The following SBF2 variants were observed in gnomAD, a reference collection of about 807,000 sequenced individuals.
SBF2 encodes SET binding factor 2.
Under a neutral mutation model 225.2 loss-of-function variants are expected in SBF2, and 112 were observed. The observed-to-expected ratio is 0.50, with a 90% CI of 0.43 to 0.58. SBF2 has a LOEUF of 0.58. Among genes scored for constraint, SBF2 ranks in the 20% least tolerant of loss-of-function variants. The pLI, the probability that SBF2 is intolerant of heterozygous loss-of-function variation, is 0.00. For synonymous variants in SBF2, 763 were observed against 773.3 expected (o/e 0.99, Z 0.22); for missense variants, 1,996 against 2,206.2 (o/e 0.90, Z 1.91).
At chr11:9,905,618 T>C (rs1397112620) in intron 16 of SBF2, among the ~76,000 whole-genome samples, 1 of 152,224 alleles carries the variant, frequency 6.6e-6, no homozygotes, top group Non-Finnish European at 1.5e-5. Flanking sequence ...ATCCTTAAAT[T>C]AGAGGACAAT....
intron 1 of SBF2, among the ~76,000 whole-genome samples, chr11:10,249,561 T>C (rs915126694): frequency 1.3e-5 from 2 of 152,188 alleles, no homozygotes. Context: ...CTCATTATTT[T>C]GGCTAAATGA....
intron 20 of SBF2, among the ~76,000 whole-genome samples, chr11:9,853,265 G>A (rs1782979246): frequency 6.6e-6 from 1 of 152,170 alleles, no homozygotes; most frequent in South Asian, 2.1e-4. Flanking sequence ...ACTGCTTAAT[G>A]GGTAGAGTGT....
At chr11:9,834,131 T>C in intron 26 of SBF2, among the ~76,000 whole-genome samples, 1 of 151,816 alleles carries the variant, frequency 6.6e-6, no homozygotes, top group East Asian at 1.9e-4. Context: ...TCGCTCTTGT[T>C]GCCTAGGCTG....
intron 2 of SBF2, among the ~76,000 whole-genome samples, chr11:10,172,734 T>G (rs1427455116): frequency 6.7e-6 from 1 of 149,916 alleles, no homozygotes; most frequent in African/African-American, 2.4e-5. Flanking sequence ...TGGCGCCATC[T>G]TGGCTCACTG....
intron 28 of SBF2, chr11:9,828,186 G>C: frequency 7.8e-7 from 1 of 1,289,676 alleles, no homozygotes; most frequent in Non-Finnish European, 1.0e-6. Flanking sequence ...ACCTGCTTAA[G>C]CACAGTGGAC....
intron 6 of SBF2, among the ~76,000 whole-genome samples, chr11:10,005,270 G>A (rs759897279): frequency 7.9e-5 from 12 of 152,146 alleles, no homozygotes; most frequent in Admixed American, 1.3e-4. Flanking sequence ...ACTGGTAAAG[G>A]AAGAAAGCCT....
chr11:10,048,998 A>G (rs1265800987), intron 2 of SBF2, among the ~76,000 whole-genome samples: 1 of 152,232 alleles, frequency 6.6e-6, no homozygotes, highest in Admixed American at 6.5e-5. Context: ...AAAGAAAAGT[A>G]TCCGTAATTA....
At position 10,272,350 on chromosome 11, in the gene SBF2, G is replaced by A. The variant is rs1962556067; in HGVS notation, c.55+21665C>T. The A allele has an allele frequency of 6.6e-6, 4 of 608,226 alleles. 1 individual carries two copies. Among genetic ancestry groups the A allele is most frequent in the Non-Finnish European group, 1.1e-5 (4 of 372,948 alleles). The allele number at this position is 608,226 out of a possible 1,614,324, so 37.7% of individuals were successfully genotyped here. On this transcript the variant is annotated intron_variant, in intron 1 of 39. Coordinates refer to ENST00000256190, the MANE Select transcript of SBF2 (RefSeq NM_030962.4). ...CACTGTAACTAAGGCTTACTTACTT[G>A]CTAGTTACCAGTTACTCACACAATT...
At chr11:10,214,422 G>A (rs983904794) in intron 1 of SBF2, among the ~76,000 whole-genome samples, 2 of 152,176 alleles carry the variant, frequency 1.3e-5, no homozygotes, top group African/African-American at 4.8e-5. Flanking sequence ...AGGAGATCCA[G>A]ACCATCCTGG....
chr11:10,127,707 C>A (rs1343677820), intron 2 of SBF2, among the ~76,000 whole-genome samples: 1 of 152,044 alleles, frequency 6.6e-6, no homozygotes. Context: ...GGAATAAGAC[C>A]GAAAGCACCT....
rs1465030162 is a variant in SBF2, at chr11:9,962,076, C to G, written c.1741G>C (p.Gly581Arg). ...TLPAALRALK[G>R]KAARQCLTDE... The stretch of plus-strand genomic sequence containing the variant: ...GTGAGACACTGTCTTGCTGCCTTTC[C>G]TTTAAGGGCTCTGAGTGCAGCAGGA... Residue 581 changes from glycine (G) to arginine (R), a missense_variant, in exon 16 of 40, where the codon GGA becomes CGA. By Grantham distance (125) the Gly-to-Arg change is moderately radical. Transcript: ENST00000256190. The G allele has an allele frequency of 1.9e-6, 3 of 1,614,086 alleles. No individual in the cohort carries two copies. The highest frequency in any genetic ancestry group is 2.5e-6 in the Non-Finnish European group (3 of 1,179,994).
Position 9,780,351 on chromosome 11 carries a change from G to C in SBF2, c.*67C>G. ...TGTTGTCAGCTCCTCAAGGATCCAT[G>C]CTTCTTTTTCTATCTATCTGGCAGC... is the stretch of plus-strand genomic sequence containing the variant. On this transcript the variant is annotated 3_prime_UTR_variant, in exon 40 of 40. Coordinates refer to ENST00000256190, the MANE Select transcript of SBF2 (RefSeq NM_030962.4). The C allele has an allele frequency of 7.3e-7, 1 of 1,377,600 alleles. No homozygotes were observed. The highest frequency in any genetic ancestry group is 1.0e-6 in the Non-Finnish European group (1 of 974,998). 85.3% of individuals were successfully genotyped at this position (1,377,600 alleles called of 1,614,324 possible).
intron 1 of SBF2, among the ~76,000 whole-genome samples, chr11:10,214,130 G>A (rs1281671235): frequency 3.3e-5 from 5 of 152,154 alleles, no homozygotes; most frequent in African/African-American, 1.2e-4. Flanking sequence ...TTTTGGGCCA[G>A]GTAACTCTTT....
chr11:9,826,776 T>C (rs1346027705), intron 28 of SBF2, among the ~76,000 whole-genome samples: 4 of 151,554 alleles, frequency 2.6e-5, no homozygotes, highest in South Asian at 2.1e-4. Flanking sequence ...TGTATATATA[T>C]ACACACACAC....
At chr11:10,170,361 C>T (rs969075760) in intron 2 of SBF2, among the ~76,000 whole-genome samples, 1 of 152,084 alleles carries the variant, frequency 6.6e-6, no homozygotes, top group Admixed American at 6.5e-5. Context: ...CCAGTTTCTT[C>T]AGCACCATTT....
At chr11:10,172,306 A>T (rs538232561) in intron 2 of SBF2, among the ~76,000 whole-genome samples, 1 of 152,052 alleles carries the variant, frequency 6.6e-6, no homozygotes, top group South Asian at 2.1e-4. Context: ...TTTTCACTAT[A>T]TTCCATAGGT....
At chr11:10,264,191 A>AAAGG (rs2135519745) in intron 1 of SBF2, among the ~76,000 whole-genome samples, 1 of 152,270 alleles carries the variant, frequency 6.6e-6, no homozygotes, top group South Asian at 2.1e-4. Flanking sequence ...AGCAACCATA[A>AAAGG]TCTTCCTCCC....
chr11:9,896,788 CAA>C (rs34465991), intron 16 of SBF2, among the ~76,000 whole-genome samples: 54 of 95,144 alleles, frequency 5.7e-4, no homozygotes, highest in Admixed American at 6.4e-4. Context: ...GACTCCGTCT[CAA>C]AAAAAAAAAA....
chr11:9,830,745 C>CAAAAAAAAAAAAAA (rs553674434), intron 27 of SBF2, among the ~76,000 whole-genome samples: 2 of 111,128 alleles, frequency 1.8e-5, no homozygotes, highest in African/African-American at 3.3e-5. Flanking sequence ...AGCTCAAAAA[C>CAAAAAAAAAAAAAA]AAAAAAAAAA....
Sources: gnomAD v4.1 joint callset for allele counts (sites outside exome capture counted in the v4.1 genomes callset) on GRCh38, gnomAD v4.1.1 for gene constraint, MANE v1.5 for transcripts, NCBI Gene and HGNC (gene_info 2026-07-23, HGNC 2026-07-21) for gene names.